PHETA1: variants seen among roughly 807,000 people sequenced by gnomAD.
PHETA1 encodes sesquipedalian-1.
For synonymous variants in PHETA1, 155 were observed against 168.9 expected (o/e 0.92, Z 0.64); for missense variants, 348 against 373.5 (o/e 0.93, Z 0.56).
intron 2 of PHETA1, among the ~76,000 whole-genome samples, chr12:111,364,687 C>T (rs1045792560): frequency 1.3e-5 from 2 of 151,932 alleles, no homozygotes; most frequent in Admixed American, 1.3e-4. Context: ...TCGCTTGAAC[C>T]CAAGAGGCGG....
chr12:111,366,867 C>G (rs575707918), intron 1 of PHETA1, among the ~76,000 whole-genome samples: 95 of 151,772 alleles, frequency 6.3e-4, no homozygotes, highest in Middle Eastern at 3.4e-3. Flanking sequence ...GAGTTAGAGA[C>G]CAGCCTGGAC....
intron 2 of PHETA1, among the ~76,000 whole-genome samples, chr12:111,364,322 G>A (rs879609594): frequency 1.1e-4 from 16 of 151,248 alleles, no homozygotes; most frequent in South Asian, 2.1e-4. Context: ...ACTCCAGCCC[G>A]GGCAATAATG....
At chr12:111,365,285 A>G (rs2135508025) in intron 2 of PHETA1, among the ~76,000 whole-genome samples, 1 of 152,308 alleles carries the variant, frequency 6.6e-6, no homozygotes, top group South Asian at 2.1e-4. Context: ...GTAGGCACTC[A>G]GTGTTCATTC....
rs574399710 is a variant in PHETA1, at chr12:111,363,377, C to T, written c.51G>A (p.Pro17=). Residue 17 remains proline, a synonymous_variant, in exon 3 of 3, where the codon CCG becomes CCA. Transcript: ENST00000683047. This position sits in a 1 kb window ranked among gnomAD's most constrained non-coding sequence, Gnocchi z 7.4. ...SLAFYATCDA[P]VDNAGFLYKK... ...TGTACAGGAAGCCTGCATTGTCCAC[C>T]GGGGCGTCACAGGTGGCGTAGAAGG... 11 of 1,612,916 alleles carry T rather than the reference C, an allele frequency of 6.8e-6. No homozygotes were observed. The East Asian group carries it at 1.6e-4, about 23-fold the overall frequency.
At position 111,362,431 on chromosome 12, in the gene PHETA1, T is replaced by A. The variant is rs1202832692; in HGVS notation, c.*247A>T. Reference sequence around the variant, plus strand: ...GGAAACCTCCCCCTCAGGCCCTGGATTCTCCTTAGTGTTGCACGTGACGTT... The same window carrying A: ...GGAAACCTCCCCCTCAGGCCCTGGAATCTCCTTAGTGTTGCACGTGACGTT... On this transcript the variant is annotated 3_prime_UTR_variant, in exon 3 of 3. Transcript: ENST00000683047. 40 of 1,025,916 alleles carry A rather than the reference T, an allele frequency of 3.9e-5. No homozygotes were observed. Among genetic ancestry groups the A allele is most frequent in the Non-Finnish European group, 4.7e-5 (34 of 729,618 alleles). 63.6% of individuals were successfully genotyped at this position (1,025,916 alleles called of 1,614,324 possible). A position where few individuals can be genotyped will look rare whatever the true frequency, so the allele number is the denominator to read the frequency against.
Position 111,361,944 on chromosome 12 carries a change from C to CACAG in PHETA1, c.*730_*733dup, listed in dbSNP as rs1209223390. 4.4e-6 allele frequency: 2 copies of CACAG among 456,106 alleles called. No homozygotes were observed. The highest frequency in any genetic ancestry group is 8.8e-6 in the Non-Finnish European group (2 of 226,918). The allele number at this position is 456,106 out of a possible 1,614,324, so 28.3% of individuals were successfully genotyped here. On this transcript the variant is annotated 3_prime_UTR_variant, in exon 3 of 3. Transcript: ENST00000683047. ...AGCCCTGTGAGAGCCACCACGGAGACACAGACAGGGCCCGCGGCCAGAGAG... is the reference window on the plus strand; with the variant it reads ...AGCCCTGTGAGAGCCACCACGGAGACACAGACAGACAGGGCCCGCGGCCAGAGAG...
chr12:111,362,471 G>T lies in PHETA1; in HGVS notation c.*207C>A. The stretch of plus-strand genomic sequence containing the variant: ...CACGTGACGTTCCCCTCAAGGGTAG[G>T]CCTTCTGGGTCACATGGTCCTAAAG... On this transcript the variant is annotated 3_prime_UTR_variant, in exon 3 of 3. Coordinates refer to ENST00000683047, the MANE Select transcript of PHETA1 (RefSeq NM_144671.6). 7.7e-7 allele frequency: 1 copy of T among 1,304,164 alleles called. No individual in the cohort carries two copies. The highest frequency in any genetic ancestry group is 1.5e-5 in the South Asian group (1 of 65,868). The allele number at this position is 1,304,164 out of a possible 1,614,324, so 80.8% of individuals were successfully genotyped here.
chr12:111,360,875 C>A lies in PHETA1; in HGVS notation c.*1803G>T, dbSNP rs2135500067. The A allele has an allele frequency of 6.5e-6, 1 of 152,850 alleles. No homozygotes were observed. The highest frequency in any genetic ancestry group is 2.1e-4 in the South Asian group (1 of 4,834). The allele number at this position is 152,850 out of a possible 1,614,324, so 9.5% of individuals were successfully genotyped here. A position where few individuals can be genotyped will look rare whatever the true frequency, so the allele number is the denominator to read the frequency against. On this transcript the variant is annotated 3_prime_UTR_variant, in exon 3 of 3. Coordinates refer to ENST00000683047, the MANE Select transcript of PHETA1 (RefSeq NM_144671.6). Reference sequence around the variant, plus strand: ...ACCTACGCCAGGACTGGGGTTAACACCCCAGCCCACCAGCTGAGTCTGCCA... The same window carrying A: ...ACCTACGCCAGGACTGGGGTTAACAACCCAGCCCACCAGCTGAGTCTGCCA...
chr12:111,362,567 C>T lies in PHETA1; in HGVS notation c.*111G>A. ...ACCAGGCCACTCAGGGCCTGGGGGC[C>T]AGCCTTGCCCATGATTTCCCTCAGG... On this transcript the variant is annotated 3_prime_UTR_variant, in exon 3 of 3. Coordinates refer to ENST00000683047, the MANE Select transcript of PHETA1 (RefSeq NM_144671.6). 1 of 1,537,766 alleles carries T rather than the reference C, an allele frequency of 6.5e-7. No individual in the cohort carries two copies. The highest frequency in any genetic ancestry group is 8.7e-7 in the Non-Finnish European group (1 of 1,146,426).
At position 111,362,976 on chromosome 12, in the gene PHETA1, G is replaced by A. The variant is rs1193004614; in HGVS notation, c.452C>T (p.Ser151Phe). ...GACTGGGGCCAGGGCAGAGGGCAGG[G>A]ACGGGGGCAAGGGCAGGGACTGGGG... is the stretch of plus-strand genomic sequence containing the variant. ...PQPQSLPLPPSLPSALAPVPS... is the reference protein window; with the variant it reads ...PQPQSLPLPPFLPSALAPVPS... The change falls in exon 3 of 3, where the codon TCC (serine) becomes TTC (phenylalanine). Residue 151 changes from serine (S) to phenylalanine (F), a missense_variant. Coordinates refer to ENST00000683047, the MANE Select transcript of PHETA1 (RefSeq NM_144671.6). 3 of 1,479,788 alleles carry A rather than the reference G, an allele frequency of 2.0e-6. No homozygotes were observed. The highest frequency in any genetic ancestry group is 1.4e-5 in the African/African-American group (1 of 72,030). The allele number at this position is 1,479,788 out of a possible 1,614,324, so 91.7% of individuals were successfully genotyped here. A position where few individuals can be genotyped will look rare whatever the true frequency, so the allele number is the denominator to read the frequency against.
rs375086972 is a variant in PHETA1, at chr12:111,363,032, G to C, written c.396C>G (p.Gly132=). 1 of 1,454,138 alleles carries C rather than the reference G, an allele frequency of 6.9e-7. No individual in the cohort carries two copies. Among genetic ancestry groups the C allele is most frequent in the Admixed American group, 2.4e-5 (1 of 41,300 alleles). 90.1% of individuals were successfully genotyped at this position (1,454,138 alleles called of 1,614,324 possible). A position where few individuals can be genotyped will look rare whatever the true frequency, so the allele number is the denominator to read the frequency against. ...GCTGGGGCAGGGCCATGCCACCCCCGCCACGTACAGCCGCCAGCTGCTGCT... is the reference window on the plus strand; with the variant it reads ...GCTGGGGCAGGGCCATGCCACCCCCCCCACGTACAGCCGCCAGCTGCTGCT... The part of the protein sequence containing the change: ...ELEQQLAAVR[G]GGGMALPQPQ... The change falls in exon 3 of 3, where the codon GGC becomes GGG. Residue 132 remains glycine (G), a synonymous_variant. Transcript: ENST00000683047. The surrounding 1 kb of genome is among the most constrained non-coding windows in gnomAD (Gnocchi z 7.4).
rs1868618317 is a variant in PHETA1 at position 111,361,763 on chromosome 12, G to T, written c.*915C>A. On this transcript the variant is annotated 3_prime_UTR_variant, in exon 3 of 3. Transcript: ENST00000683047. ...GTCAGCACCTGGGCCTTCCTAGGCGGTGAGTCAGCTGGTGGCCTCCCCTCC... is the reference window on the plus strand; with the variant it reads ...GTCAGCACCTGGGCCTTCCTAGGCGTTGAGTCAGCTGGTGGCCTCCCCTCC... 1 of 389,572 alleles carries T rather than the reference G, an allele frequency of 2.6e-6. No homozygotes were observed. The highest frequency in any genetic ancestry group is 5.1e-6 in the Non-Finnish European group (1 of 195,562). The allele number at this position is 389,572 out of a possible 1,614,324, so 24.1% of individuals were successfully genotyped here.
rs1387052117 is a variant in PHETA1 at position 111,368,408 on chromosome 12, G to A, written c.-182+504C>T. Among the ~76,000 whole-genome samples, 1 of 152,172 alleles carries A rather than the reference G, an allele frequency of 6.6e-6. No homozygotes were observed. The highest frequency in any genetic ancestry group is 2.4e-5 in the African/African-American group (1 of 41,442). On this transcript the variant is annotated intron_variant, in intron 1 of 2. Coordinates refer to ENST00000683047, the MANE Select transcript of PHETA1 (RefSeq NM_144671.6). The surrounding 1 kb of genome is among the most constrained non-coding windows in gnomAD (Gnocchi z 5.0). ...AGTGTCCCCCAGCAGCGGGCGTGGG[G>A]AAGAGGGTGTGGCAGGCACAGGCTG...
chr12:111,366,601 TCTC>T (rs1448790602), intron 1 of PHETA1, among the ~76,000 whole-genome samples: 1 of 152,026 alleles, frequency 6.6e-6, no homozygotes, highest in Non-Finnish European at 1.5e-5. Context: ...TCCTCATAAG[TCTC>T]CTTGCCCCTC....
Position 111,368,886 on chromosome 12 carries a change from A to C in PHETA1, c.-182+26T>G, listed in dbSNP as rs1431309095. The C allele has an allele frequency of 1.3e-5, 2 of 152,266 alleles. No individual in the cohort carries two copies. Among genetic ancestry groups the C allele is most frequent in the Admixed American group, 6.5e-5 (1 of 15,284 alleles). The allele number at this position is 152,266 out of a possible 1,614,324, so 9.4% of individuals were successfully genotyped here. On this transcript the variant is annotated intron_variant, in intron 1 of 2. Coordinates refer to ENST00000683047, the MANE Select transcript of PHETA1 (RefSeq NM_144671.6). This position sits in a 1 kb window ranked among gnomAD's most constrained non-coding sequence, Gnocchi z 5.0. ...CGACCCGGGTCCCATGTCCTCGTGC[A>C]TGTCCCCCCGCCAGGCCCGCCTTAC... is the stretch of plus-strand genomic sequence containing the variant.
rs1480343660 is a variant in PHETA1, at chr12:111,363,506, C to G, written c.-36-43G>C. 6 of 1,554,840 alleles carry G rather than the reference C, an allele frequency of 3.9e-6. No homozygotes were observed. Among genetic ancestry groups the G allele is most frequent in the Non-Finnish European group, 5.2e-6 (6 of 1,153,882 alleles). Reference sequence around the variant, plus strand: ...GCTGTTATGCACAAGGCCACTGACGCTAGGTCACCCAGTGCCCCAAGGGGA... The same window carrying G: ...GCTGTTATGCACAAGGCCACTGACGGTAGGTCACCCAGTGCCCCAAGGGGA... On this transcript the variant is annotated intron_variant, in intron 2 of 2. Transcript: ENST00000683047. The surrounding 1 kb of genome is among the most constrained non-coding windows in gnomAD (Gnocchi z 7.4).
In PHETA1 at chr12:111,362,527, C is replaced by A; in HGVS notation, c.*151G>T. 6.6e-7 allele frequency: 1 copy of A among 1,511,398 alleles called. No individual in the cohort carries two copies. Among genetic ancestry groups the A allele is most frequent in the South Asian group, 1.2e-5 (1 of 80,532 alleles). The allele number at this position is 1,511,398 out of a possible 1,614,324, so 93.6% of individuals were successfully genotyped here. A position where few individuals can be genotyped will look rare whatever the true frequency, so the allele number is the denominator to read the frequency against. ...CTCAGAATCCAGCACCTTCTCAGAG[C>A]CTGCATCCCCCAAAACCAGGCCACT... On this transcript the variant is annotated 3_prime_UTR_variant, in exon 3 of 3. Coordinates refer to ENST00000683047, the MANE Select transcript of PHETA1 (RefSeq NM_144671.6).
At position 111,363,250 on chromosome 12, in the gene PHETA1, C is replaced by T. The variant is rs145706089; in HGVS notation, c.178G>A (p.Val60Ile). The T allele has an allele frequency of 7.0e-5, 113 of 1,613,170 alleles. No homozygotes were observed. Among genetic ancestry groups the T allele is most frequent in the Non-Finnish European group, 9.3e-5 (110 of 1,179,936 alleles). ...EDAASREPVG[V>I]IILEGCTVEL... is the part of the protein sequence containing the mutation. ...ACAGTGCAGCCCTCCAGGATGATGA[C>T]GCCCACGGGCTCACGGCTGGCAGCG... The change falls in exon 3 of 3, where the codon GTC (valine) becomes ATC (isoleucine). Residue 60 changes from valine (V) to isoleucine (I), a missense_variant. By Grantham distance (29) the Val-to-Ile change is conservative (BLOSUM62 3). Coordinates refer to ENST00000683047, the MANE Select transcript of PHETA1 (RefSeq NM_144671.6). The surrounding 1 kb of genome is among the most constrained non-coding windows in gnomAD (Gnocchi z 7.4).
At position 111,363,515 on chromosome 12, in the gene PHETA1, C is replaced by A; in HGVS notation, c.-36-52G>T. On this transcript the variant is annotated intron_variant, in intron 2 of 2. Transcript: ENST00000683047. This position sits in a 1 kb window ranked among gnomAD's most constrained non-coding sequence, Gnocchi z 7.4. ...CACAAGGCCACTGACGCTAGGTCAC[C>A]CAGTGCCCCAAGGGGACCTTGCAGC... 1 of 1,546,094 alleles carries A rather than the reference C, an allele frequency of 6.5e-7. No homozygotes were observed. The highest frequency in any genetic ancestry group is 8.7e-7 in the Non-Finnish European group (1 of 1,149,812).
Sources: gnomAD v4.1 joint callset for allele counts (sites outside exome capture counted in the v4.1 genomes callset) on GRCh38, gnomAD v4.1.1 for gene constraint, Gnocchi (gnomAD v3.1) non-coding constraint, MANE v1.5 for transcripts, NCBI Gene and HGNC (gene_info 2026-07-23, HGNC 2026-07-21) for gene names.